PBX4: variants seen among roughly 807,000 people sequenced by gnomAD.
The protein encoded by PBX4 is PBX homeobox 4, also known as pre-B-cell leukemia transcription factor 4.
Under a neutral mutation model 35.1 loss-of-function variants are expected in PBX4, and 26 were observed. That is an observed-to-expected ratio of 0.74 (90% CI 0.54 to 1.03). The LOEUF (loss-of-function observed/expected upper bound fraction) is 1.03. PBX4 is among the 50% of genes least tolerant of loss of function. The pLI, the probability that PBX4 is intolerant of heterozygous loss-of-function variation, is 0.00. For synonymous variants in PBX4, 199 were observed against 204.2 expected (o/e 0.97, Z 0.22); for missense variants, 448 against 504.3 (o/e 0.89, Z 1.07).
Position 19,563,463 on chromosome 19 carries a change from A to G in PBX4, c.1032+46T>C. 7.0e-7 allele frequency: 1 copy of G among 1,432,876 alleles called. No homozygotes were observed. Among genetic ancestry groups the G allele is most frequent in the East Asian group, 2.5e-5 (1 of 39,586 alleles). The allele number at this position is 1,432,876 out of a possible 1,614,324, so 88.8% of individuals were successfully genotyped here. On this transcript the variant is annotated intron_variant, in intron 7 of 7. Coordinates refer to ENST00000251203, the MANE Select transcript of PBX4 (RefSeq NM_025245.3). This position sits in a 1 kb window ranked among gnomAD's most constrained non-coding sequence, Gnocchi z 5.1. The stretch of plus-strand genomic sequence containing the variant: ...GGCTGACAAGACGACCCTTTCTGAG[A>G]ACCTACCACCCACCTGGGCGCTGTG...
intron 2 of PBX4, among the ~76,000 whole-genome samples, chr19:19,575,076 C>G (rs956098822): frequency 1.3e-5 from 2 of 151,068 alleles, no homozygotes; most frequent in Non-Finnish European, 3.0e-5. Flanking sequence ...AATAAAAATA[C>G]AAAAAAAATA....
chr19:19,599,644 C>T (rs1488157544), intron 1 of PBX4, among the ~76,000 whole-genome samples: 1 of 152,028 alleles, frequency 6.6e-6, no homozygotes, highest in East Asian at 1.9e-4. Flanking sequence ...TTGAGACCAG[C>T]CTGGCCAGCA....
intron 2 of PBX4, chr19:19,588,256 T>C (rs2061503126): frequency 7.8e-7 from 1 of 1,289,816 alleles, no homozygotes; most frequent in Admixed American, 1.7e-5. Flanking sequence ...AGAGCCCCGG[T>C]AAGATCCATA....
At chr19:19,599,046 G>A (rs941742816) in intron 2 of PBX4, among the ~76,000 whole-genome samples, 4 of 150,452 alleles carry the variant, frequency 2.7e-5, no homozygotes, top group Non-Finnish European at 2.9e-5. Flanking sequence ...TTGGCTCACC[G>A]CAACCTCCAC....
chr19:19,572,030 CA>C (rs546626234), intron 2 of PBX4, among the ~76,000 whole-genome samples: 26,592 of 60,070 alleles, frequency 0.44, 3,006 homozygotes, highest in East Asian at 0.5. Flanking sequence ...GACCCCGTCT[CA>C]AAAAAAAAAA....
chr19:19,570,041 GCCAGCACTA>G (rs1407008309), intron 4 of PBX4, 59 bp downstream of exon 4: 15 of 1,493,912 alleles, frequency 1.0e-5, no homozygotes, highest in Non-Finnish European at 1.3e-5. Flanking sequence ...TTCAACCCAA[GCCAGCACTA>G]TTTCCCTCCA....
intron 2 of PBX4, among the ~76,000 whole-genome samples, chr19:19,584,743 A>C (rs1005416853): frequency 4.0e-5 from 6 of 150,184 alleles, no homozygotes; most frequent in African/African-American, 1.5e-4. Flanking sequence ...CTCCTGCCTC[A>C]GCCTCCTGAG....
At chr19:19,593,301 T>C (rs1283600725) in intron 2 of PBX4, among the ~76,000 whole-genome samples, 2 of 152,108 alleles carry the variant, frequency 1.3e-5, no homozygotes, top group African/African-American at 4.8e-5. Flanking sequence ...GTGAGAACTG[T>C]GGGTTAAATC....
At chr19:19,586,110 G>C (rs1265359103) in intron 2 of PBX4, among the ~76,000 whole-genome samples, 2 of 152,124 alleles carry the variant, frequency 1.3e-5, no homozygotes, top group Non-Finnish European at 2.9e-5. Flanking sequence ...CTACTGTTCT[G>C]TACATTTAAA....
chr19:19,607,931 T>C (rs1018139634), intron 1 of PBX4, among the ~76,000 whole-genome samples: 1 of 152,234 alleles, frequency 6.6e-6, no homozygotes, highest in Non-Finnish European at 1.5e-5. Flanking sequence ...AGATCGATTA[T>C]CCTTGATTAT....
chr19:19,584,622 G>GTTT lies in PBX4; in HGVS notation c.194-13790_194-13789insAAA, dbSNP rs1491541483. On this transcript the variant is annotated intron_variant, in intron 2 of 7. Coordinates refer to ENST00000251203, the MANE Select transcript of PBX4 (RefSeq NM_025245.3). ...GTGTGGTCTGACATGACCAAGGGCTGGTTTTTTTTTTTTTTTTTTTTGAGA... is the reference window on the plus strand; with the variant it reads ...GTGTGGTCTGACATGACCAAGGGCTGTTTGTTTTTTTTTTTTTTTTTTTTGAGA... 1.0e-4 allele frequency among the ~76,000 whole-genome samples: 15 copies of GTTT among 149,472 alleles called. 1 individual carries two copies. Among genetic ancestry groups the GTTT allele is most frequent in the South Asian group, 6.4e-4 (3 of 4,652 alleles).
At chr19:19,593,356 G>A (rs1219360362) in intron 2 of PBX4, among the ~76,000 whole-genome samples, 1 of 152,224 alleles carries the variant, frequency 6.6e-6, no homozygotes, top group African/African-American at 2.4e-5. Context: ...CCCTTCAAGA[G>A]GCGGCCCGTG....
chr19:19,580,977 C>A (rs1167435696), intron 2 of PBX4, among the ~76,000 whole-genome samples: 1 of 152,214 alleles, frequency 6.6e-6, no homozygotes, highest in Admixed American at 6.5e-5. Context: ...AAGTGATCCT[C>A]CTGCCTTGGC....
chr19:19,562,187 C>T lies in PBX4; in HGVS notation c.1033-70G>A. On this transcript the variant is annotated intron_variant, in intron 7 of 7. Coordinates refer to ENST00000251203, the MANE Select transcript of PBX4 (RefSeq NM_025245.3). The surrounding 1 kb of genome is among the most constrained non-coding windows in gnomAD (Gnocchi z 4.8). ...TGGTGACTACCCAGCCCACGTGCTG[C>T]AGGCGGAGCCTCCAGGGGTCCCTGG... The T allele has an allele frequency of 1.7e-6, 2 of 1,189,384 alleles. No individual in the cohort carries two copies. Among genetic ancestry groups the T allele is most frequent in the South Asian group, 1.4e-5 (1 of 69,660 alleles). The allele number at this position is 1,189,384 out of a possible 1,614,324, so 73.7% of individuals were successfully genotyped here. A position where few individuals can be genotyped will look rare whatever the true frequency, so the allele number is the denominator to read the frequency against.
intron 1 of PBX4, among the ~76,000 whole-genome samples, chr19:19,602,087 A>G (rs772960358): frequency 5.3e-5 from 8 of 151,444 alleles, no homozygotes; most frequent in Non-Finnish European, 1.0e-4. Context: ...CATGGAGAGA[A>G]GAGTAATCTG....
At chr19:19,578,547 A>G (rs1411129099) in intron 2 of PBX4, among the ~76,000 whole-genome samples, 5 of 152,196 alleles carry the variant, frequency 3.3e-5, no homozygotes, top group Non-Finnish European at 7.3e-5. Context: ...AGCTTGGTTC[A>G]GGGATACCAT....
At chr19:19,615,579 G>T (rs1201514089) in intron 1 of PBX4, among the ~76,000 whole-genome samples, 1 of 152,062 alleles carries the variant, frequency 6.6e-6, no homozygotes, top group Non-Finnish European at 1.5e-5. Flanking sequence ...ATAAATATCG[G>T]CCAAATTTGT....
chr19:19,586,935 A>G (rs535049346), intron 2 of PBX4, among the ~76,000 whole-genome samples: 7 of 151,470 alleles, frequency 4.6e-5, no homozygotes, highest in Admixed American at 4.6e-4. Context: ...CGTCTCAAAA[A>G]AAGAAAAAGA....
intron 2 of PBX4, among the ~76,000 whole-genome samples, chr19:19,591,570 G>A (rs978123507): frequency 5.3e-5 from 8 of 152,256 alleles, no homozygotes; most frequent in Non-Finnish European, 8.8e-5. Flanking sequence ...CACAGTCACA[G>A]GGTGGAGAAG....
Sources: gnomAD v4.1 joint callset for allele counts (sites outside exome capture counted in the v4.1 genomes callset) on GRCh38, gnomAD v4.1.1 for gene constraint, Gnocchi (gnomAD v3.1) non-coding constraint, MANE v1.5 for transcripts, NCBI Gene and HGNC (gene_info 2026-07-23, HGNC 2026-07-21) for gene names.